Variants in OSBPL10 observed in about 807,000 individuals in gnomAD.
OSBPL10 encodes oxysterol binding protein like 10.
In OSBPL10, 49 loss-of-function variants were observed where a neutral mutation model predicts 81.7. The observed-to-expected ratio is 0.60, with a 90% CI of 0.48 to 0.76. The LOEUF (loss-of-function observed/expected upper bound fraction) is 0.76. Among genes scored for constraint, OSBPL10 ranks in the 30% least tolerant of loss-of-function variants. The pLI is 0.00. For synonymous variants in OSBPL10, 419 were observed against 383.6 expected (o/e 1.09, Z -1.08); for missense variants, 923 against 987.8 (o/e 0.93, Z 0.88).
At chr3:32,054,935 C>T (rs569805069) in intron 1 of OSBPL10, among the ~76,000 whole-genome samples, 74 of 152,162 alleles carry the variant, frequency 4.9e-4, no homozygotes, top group African/African-American at 1.6e-3. Flanking sequence ...AGGACTTTGA[C>T]GGGTATAGGA....
Position 31,981,172 on chromosome 3 carries a change from C to T in OSBPL10, c.8G>A (p.Arg3Lys), listed in dbSNP as rs1261123002. 3.4e-6 allele frequency: 5 copies of T among 1,476,998 alleles called. No individual in the cohort carries two copies. The highest frequency in any genetic ancestry group is 4.5e-6 in the Non-Finnish European group (5 of 1,119,078). The allele number at this position is 1,476,998 out of a possible 1,614,324, so 91.5% of individuals were successfully genotyped here. A position where few individuals can be genotyped will look rare whatever the true frequency, so the allele number is the denominator to read the frequency against. The change falls in exon 1 of 12, where the codon AGG becomes AAG. Residue 3 changes from arginine to lysine, a missense_variant. Coordinates refer to ENST00000396556, the MANE Select transcript of OSBPL10 (RefSeq NM_017784.5). The surrounding 1 kb of genome is among the most constrained non-coding windows in gnomAD (Gnocchi z 4.5). ...GCCGCCGTCTGTGCCCTGGACTGCC[C>T]TCTCCATGGTCCGTGGGCGCCCGGG... is the stretch of plus-strand genomic sequence containing the variant. ME[R>K]AVQGTDGGGG...
chr3:31,877,063 C>T (rs895627272), intron 2 of OSBPL10, among the ~76,000 whole-genome samples: 1 of 152,020 alleles, frequency 6.6e-6, no homozygotes, highest in Non-Finnish European at 1.5e-5. Flanking sequence ...GCTACCATGC[C>T]CGGCTATTTT....
At chr3:31,901,218 T>C (rs895160589) in intron 1 of OSBPL10, among the ~76,000 whole-genome samples, 2 of 152,206 alleles carry the variant, frequency 1.3e-5, no homozygotes, top group African/African-American at 2.4e-5. Flanking sequence ...CTACTCGACA[T>C]AAAGGTTTTT....
intron 8 of OSBPL10, among the ~76,000 whole-genome samples, chr3:31,677,610 G>A (rs1217242947): frequency 6.6e-6 from 1 of 152,162 alleles, no homozygotes; most frequent in African/African-American, 2.4e-5. Flanking sequence ...TGCATCTGAG[G>A]GCCTCAGGAG....
intron 4 of OSBPL10, among the ~76,000 whole-genome samples, chr3:31,756,340 C>T (rs1697885588): frequency 6.6e-6 from 1 of 152,176 alleles, no homozygotes; most frequent in African/African-American, 2.4e-5. Flanking sequence ...GTCCCTCAGC[C>T]CACCCATTCT....
chr3:31,686,143 A>G (rs1299150609), intron 7 of OSBPL10, among the ~76,000 whole-genome samples: 1 of 152,076 alleles, frequency 6.6e-6, no homozygotes, highest in African/African-American at 2.4e-5. Context: ...GACCCAGCAC[A>G]TGGCCCTCAC....
chr3:31,870,992 G>C (rs1273337386), intron 3 of OSBPL10, among the ~76,000 whole-genome samples: 1 of 152,080 alleles, frequency 6.6e-6, no homozygotes, highest in Non-Finnish European at 1.5e-5. Flanking sequence ...TCTAGCTCAG[G>C]GATTGTAAAC....
chr3:32,026,053 T>TAGAC (rs773128082), intron 2 of OSBPL10, among the ~76,000 whole-genome samples: 1 of 119,406 alleles, frequency 8.4e-6, no homozygotes. Flanking sequence ...GATAGATAGA[T>TAGAC]AGATGATAGA....
At chr3:31,694,192 G>A (rs1370657207) in intron 7 of OSBPL10, among the ~76,000 whole-genome samples, 2 of 152,150 alleles carry the variant, frequency 1.3e-5, no homozygotes, top group East Asian at 1.9e-4. Flanking sequence ...CCAACATGGT[G>A]AAACCTCATC....
At chr3:31,971,813 A>G (rs1183900462) in intron 1 of OSBPL10, among the ~76,000 whole-genome samples, 1 of 152,136 alleles carries the variant, frequency 6.6e-6, no homozygotes, top group Non-Finnish European at 1.5e-5. Flanking sequence ...ACAAAGGAGC[A>G]CTCGGTAGTT....
chr3:32,021,790 A>G (rs1287548972), intron 2 of OSBPL10, among the ~76,000 whole-genome samples: 2 of 151,946 alleles, frequency 1.3e-5, no homozygotes, highest in African/African-American at 2.4e-5. Context: ...CATGGGCAAC[A>G]TAAGCAAAAC....
chr3:31,832,827 G>C (rs1181052682), intron 3 of OSBPL10, among the ~76,000 whole-genome samples: 1 of 152,160 alleles, frequency 6.6e-6, no homozygotes, highest in Admixed American at 6.5e-5. Context: ...CCAACAGTCT[G>C]GATACCCTAG....
intron 2 of OSBPL10, among the ~76,000 whole-genome samples, chr3:32,035,535 C>T (rs1366660618): frequency 1.6e-5 from 2 of 128,846 alleles, no homozygotes; most frequent in Non-Finnish European, 3.1e-5. Flanking sequence ...GCACTCCAGC[C>T]TGGTCAACAA....
intron 1 of OSBPL10, among the ~76,000 whole-genome samples, chr3:31,953,666 A>G (rs1160768030): frequency 6.6e-6 from 1 of 152,178 alleles, no homozygotes; most frequent in Non-Finnish European, 1.5e-5. Flanking sequence ...TCAGTCTCCC[A>G]AAGTGCTGGA....
At chr3:31,922,325 T>G (rs541691397) in intron 1 of OSBPL10, among the ~76,000 whole-genome samples, 1 of 152,332 alleles carries the variant, frequency 6.6e-6, no homozygotes, top group East Asian at 1.9e-4. Flanking sequence ...CAATCAGTTC[T>G]TCTATAAACC....
chr3:31,758,291 C>G (rs1172309790), intron 4 of OSBPL10, among the ~76,000 whole-genome samples: 1 of 152,150 alleles, frequency 6.6e-6, no homozygotes, highest in East Asian at 1.9e-4. Flanking sequence ...TCTTTTGTTA[C>G]AGAGGTCCAT....
At chr3:31,701,143 T>A (rs1014830500) in intron 7 of OSBPL10, among the ~76,000 whole-genome samples, 1 of 152,194 alleles carries the variant, frequency 6.6e-6, no homozygotes, top group Non-Finnish European at 1.5e-5. Flanking sequence ...GTCACTCTGT[T>A]CTGTCATCTT....
chr3:31,680,577 G>T (rs776692670), intron 8 of OSBPL10, among the ~76,000 whole-genome samples: 8 of 152,208 alleles, frequency 5.3e-5, no homozygotes, highest in Non-Finnish European at 1.2e-4. Context: ...CTCATCCGGG[G>T]TCTGCTGAGC....
At chr3:31,920,298 T>C (rs1696873617) in intron 1 of OSBPL10, among the ~76,000 whole-genome samples, 1 of 152,170 alleles carries the variant, frequency 6.6e-6, no homozygotes, top group Admixed American at 6.5e-5. Flanking sequence ...CCTGGATATA[T>C]GCAAATTTGA....
Sources: allele counts gnomAD v4.1 joint callset (sites outside exome capture counted in the v4.1 genomes callset), GRCh38; gene constraint gnomAD v4.1.1; non-coding constraint Gnocchi (gnomAD v3.1); transcripts MANE v1.5; gene names NCBI Gene and HGNC (gene_info 2026-07-23, HGNC 2026-07-21).